FRK: variants seen among roughly 807,000 people sequenced by gnomAD.
FRK encodes fyn related Src family tyrosine kinase, also known as tyrosine-protein kinase FRK.
A neutral mutation model predicts 56.4 loss-of-function variants in FRK; 51 were observed. The observed-to-expected ratio is 0.90, with a 90% CI of 0.72 to 1.14. FRK has a LOEUF of 1.14. Among genes scored for constraint, FRK ranks in the 50% most tolerant of loss-of-function variants. The pLI is 0.00. For synonymous variants in FRK, 245 were observed against 217.9 expected (o/e 1.12, Z -1.10); for missense variants, 570 against 601.4 (o/e 0.95, Z 0.55).
At chr6:116,093,387 G>A in the FRK span, among the ~76,000 whole-genome samples, 26 of 152,202 alleles carry the variant, frequency 1.7e-4, no homozygotes, top group African/African-American at 6.3e-4. Context: ...GAAGTTTTCA[G>A]ATGATCCTGA....
Position 115,942,330 on chromosome 6 carries a change from G to T in FRK, c.*84C>A. 1 of 1,077,856 alleles carries T rather than the reference G, an allele frequency of 9.3e-7. No individual in the cohort carries two copies. The highest frequency in any genetic ancestry group is 1.4e-6 in the Non-Finnish European group (1 of 715,202). 66.8% of individuals were successfully genotyped at this position (1,077,856 alleles called of 1,614,324 possible). On this transcript the variant is annotated 3_prime_UTR_variant, in exon 8 of 8. Coordinates refer to ENST00000606080, the MANE Select transcript of FRK (RefSeq NM_002031.3). ...GAATATGTCAGGATAAACTGATTGT[G>T]CAGTTGGTTGATAACATTGTATTTT...
chr6:116,095,129 G>A, the FRK span, among the ~76,000 whole-genome samples: 1 of 152,142 alleles, frequency 6.6e-6, no homozygotes, highest in East Asian at 1.9e-4. Flanking sequence ...TTCCTAACAG[G>A]GGATCTAAAT....
At chr6:116,014,024 C>G (rs1273439204) in intron 1 of FRK, among the ~76,000 whole-genome samples, 1 of 152,194 alleles carries the variant, frequency 6.6e-6, no homozygotes, top group Admixed American at 6.5e-5. Context: ...AGGCTTATGT[C>G]TAAGCTTCAG....
At chr6:116,033,942 C>T (rs9488829) in intron 1 of FRK, among the ~76,000 whole-genome samples, 2,220 of 152,044 alleles carry the variant, frequency 0.015, 64 homozygotes, top group African/African-American at 0.052. Flanking sequence ...CATTTGTGGA[C>T]ACTGCTGAAG....
the FRK span, among the ~76,000 whole-genome samples, chr6:116,069,233 C>CT: frequency 5.9e-5 from 9 of 152,112 alleles, no homozygotes; most frequent in African/African-American, 2.2e-4. Context: ...TCTCTGAGGA[C>CT]TTTTTTCTCA....
the FRK span, among the ~76,000 whole-genome samples, chr6:116,082,172 G>A: frequency 1.1e-4 from 17 of 152,220 alleles, no homozygotes; most frequent in Non-Finnish European, 2.5e-4. Context: ...GGAATAGAAA[G>A]AAGGCTGGTT....
intron 1 of FRK, among the ~76,000 whole-genome samples, chr6:116,048,445 G>A (rs986806437): frequency 2.6e-5 from 4 of 152,174 alleles, no homozygotes; most frequent in African/African-American, 7.2e-5. Context: ...TAGTGCAGTG[G>A]TGAGATGCCA....
chr6:116,003,507 T>C (rs1256136017), intron 2 of FRK, among the ~76,000 whole-genome samples: 2 of 152,222 alleles, frequency 1.3e-5, no homozygotes, highest in Admixed American at 1.3e-4. Context: ...AGAATTGAAA[T>C]GCCAGAAGAA....
chr6:116,048,690 A>AATTACAT (rs1214564496), intron 1 of FRK, among the ~76,000 whole-genome samples: 1 of 152,032 alleles, frequency 6.6e-6, no homozygotes, highest in Non-Finnish European at 1.5e-5. Context: ...TGAGCCCCCA[A>AATTACAT]ATTACATATT....
chr6:116,060,204 GC>G lies in FRK; in HGVS notation c.107del (p.Cys36SerfsTer26). 6.2e-7 allele frequency: 1 copy of G among 1,614,160 alleles called. No individual in the cohort carries two copies. The highest frequency in any genetic ancestry group is 1.1e-5 in the South Asian group (1 of 91,076). ...GGCCATGCCTCTGTGACTGGGGAGA[GC>G]AAAGGGCCCCTGGATTTTCAATCAC... ...STVIENPGAL[C>X]SPQSQRHGHY... On this transcript the variant is annotated frameshift_variant, in exon 1 of 8. Coordinates refer to ENST00000606080, the MANE Select transcript of FRK (RefSeq NM_002031.3). LOFTEE classifies it high-confidence loss of function.
chr6:116,066,342 T>C, the FRK span, among the ~76,000 whole-genome samples: 3 of 152,084 alleles, frequency 2.0e-5, no homozygotes, highest in East Asian at 5.8e-4. Flanking sequence ...TCGGACTGGC[T>C]CTCCTTGTTC....
At chr6:116,072,015 G>T in the FRK span, among the ~76,000 whole-genome samples, 2 of 152,178 alleles carry the variant, frequency 1.3e-5, no homozygotes, top group Admixed American at 6.5e-5. Context: ...CAGGGTATTT[G>T]CTGTTGAGGA....
chr6:116,042,328 A>T (rs1020253890), intron 1 of FRK, among the ~76,000 whole-genome samples: 4 of 152,120 alleles, frequency 2.6e-5, no homozygotes, highest in African/African-American at 9.7e-5. Context: ...CAGCTTCAGC[A>T]GACTTATACA....
At chr6:115,994,338 C>CCCTTT (rs1554230544) in intron 2 of FRK, among the ~76,000 whole-genome samples, 10 of 91,770 alleles carry the variant, frequency 1.1e-4, no homozygotes, top group East Asian at 2.8e-4. Context: ...CCCCCCCCGC[C>CCCTTT]TTTTTTTTGT....
intron 1 of FRK, chr6:116,039,013 A>C: frequency 5.4e-6 from 4 of 734,552 alleles, no homozygotes; most frequent in Non-Finnish European, 1.0e-5. Flanking sequence ...AAAGACTGCA[A>C]AGCCAATCGA....
At chr6:116,082,380 A>G in the FRK span, among the ~76,000 whole-genome samples, 323 of 152,268 alleles carry the variant, frequency 2.1e-3, no homozygotes, top group African/African-American at 6.9e-3. Flanking sequence ...TAAGGACAGA[A>G]TTGGGATGGA....
chr6:116,073,169 C>T, the FRK span, among the ~76,000 whole-genome samples: 1 of 152,114 alleles, frequency 6.6e-6, no homozygotes, highest in Non-Finnish European at 1.5e-5. Context: ...AGATGATCTG[C>T]TTGATACACT....
At chr6:116,075,163 T>C in the FRK span, among the ~76,000 whole-genome samples, 1 of 152,162 alleles carries the variant, frequency 6.6e-6, no homozygotes, top group African/African-American at 2.4e-5. Flanking sequence ...CCATCCACTC[T>C]TTCTCCACTG....
chr6:116,016,601 A>G (rs1775664455), intron 1 of FRK, among the ~76,000 whole-genome samples: 1 of 152,152 alleles, frequency 6.6e-6, no homozygotes, highest in African/African-American at 2.4e-5. Context: ...ATGGATGTAC[A>G]GATATGTACT....
Sources: gnomAD v4.1 joint callset for allele counts (sites outside exome capture counted in the v4.1 genomes callset) on GRCh38, gnomAD v4.1.1 for gene constraint, MANE v1.5 for transcripts, NCBI Gene and HGNC (gene_info 2026-07-23, HGNC 2026-07-21) for gene names.